The following BAZ1B variants were observed in gnomAD, a reference collection of about 807,000 sequenced individuals.
The protein encoded by BAZ1B is bromodomain adjacent to zinc finger domain 1B, also known as tyrosine-protein kinase BAZ1B.
A neutral mutation model predicts 153.8 loss-of-function variants in BAZ1B; 22 were observed. That is an observed-to-expected ratio of 0.14 (90% CI 0.10 to 0.20). BAZ1B has a LOEUF of 0.20. BAZ1B is among the 10% of genes least tolerant of loss of function. The pLI is 1.00. For missense variants in BAZ1B, 1,325 were observed against 1,799.3 expected (o/e 0.74, Z 4.77); for synonymous variants, 676 against 633.4 (o/e 1.07, Z -1.01).
In BAZ1B at chr7:73,440,422, A is replaced by C. The variant is rs1399964995; in HGVS notation, c.*1287T>G. The C allele has an allele frequency of 6.6e-6, 1 of 151,890 alleles. No homozygotes were observed. Among genetic ancestry groups the C allele is most frequent in the Non-Finnish European group, 1.5e-5 (1 of 67,972 alleles). 9.4% of individuals were successfully genotyped at this position (151,890 alleles called of 1,614,324 possible). A position where few individuals can be genotyped will look rare whatever the true frequency, so the allele number is the denominator to read the frequency against. ...CCAGAGTGGTTTCTTCTTTATAAAC[A>C]CAAGTACATGAGGTTTATTTGAAAT... On this transcript the variant is annotated 3_prime_UTR_variant, in exon 20 of 20. Coordinates refer to ENST00000339594, the MANE Select transcript of BAZ1B (RefSeq NM_032408.4).
Position 73,477,581 on chromosome 7 carries a change from T to A in BAZ1B, c.1880A>T (p.Asp627Val). The change falls in exon 7 of 20, where the codon GAT becomes GTT. Residue 627 changes from aspartate to valine, a missense_variant. This residue lies in a region of BAZ1B where 154 missense variants were observed against 266.3 expected (regional missense o/e 0.58). Transcript: ENST00000339594. The surrounding 1 kb of genome is among the most constrained non-coding windows in gnomAD (Gnocchi z 5.6). The stretch of plus-strand genomic sequence containing the variant: ...CACAGCAGTAATAGGATACTGAGCA[T>A]CTGGTAAAAGTAGCCCAGAATAACA... ...LSCYSGLLLP[D>V]AQYPITAVSL... 6.2e-7 allele frequency: 1 copy of A among 1,614,222 alleles called. No individual in the cohort carries two copies. Among genetic ancestry groups the A allele is most frequent in the Non-Finnish European group, 8.5e-7 (1 of 1,180,048 alleles).
chr7:73,498,417 T>A (rs1346040568), intron 4 of BAZ1B, 80 bp downstream of exon 4: 1 of 1,347,536 alleles, frequency 7.4e-7, no homozygotes, highest in African/African-American at 1.5e-5. Context: ...ATTTAGTTGC[T>A]AGAGAACCCT....
At chr7:73,509,599 T>C (rs1033875599) in intron 2 of BAZ1B, among the ~76,000 whole-genome samples, 27 of 151,228 alleles carry the variant, frequency 1.8e-4, no homozygotes, top group African/African-American at 5.6e-4. Flanking sequence ...CATGCACCTA[T>C]AGTTCCAGCT....
intron 4 of BAZ1B, among the ~76,000 whole-genome samples, chr7:73,493,360 T>A (rs1789732416): frequency 6.6e-6 from 1 of 151,972 alleles, no homozygotes; most frequent in African/African-American, 2.4e-5. Context: ...CTCGGGAGGC[T>A]GAGGTAGGAG....
chr7:73,467,793 A>G (rs1385664353), intron 9 of BAZ1B, among the ~76,000 whole-genome samples: 1 of 152,166 alleles, frequency 6.6e-6, no homozygotes, highest in African/African-American at 2.4e-5. Context: ...GACACATTAT[A>G]AAGTAACACT....
chr7:73,476,159 T>C (rs1017914972), intron 7 of BAZ1B, among the ~76,000 whole-genome samples: 1 of 152,092 alleles, frequency 6.6e-6, no homozygotes, highest in African/African-American at 2.4e-5. Context: ...CTGGGGAGGA[T>C]GGGCGAATGG....
chr7:73,485,513 C>T (rs947996768), intron 6 of BAZ1B, among the ~76,000 whole-genome samples: 2 of 151,400 alleles, frequency 1.3e-5, no homozygotes, highest in African/African-American at 4.9e-5. Flanking sequence ...GTAATCCTAG[C>T]TAGTCAGAAG....
At position 73,442,489 on chromosome 7, in the gene BAZ1B, G is replaced by C. The variant is rs150935434; in HGVS notation, c.4159C>G (p.Gln1387Glu). 2 of 1,614,088 alleles carry C rather than the reference G, an allele frequency of 1.2e-6. No homozygotes were observed. The highest frequency in any genetic ancestry group is 2.7e-5 in the African/African-American group (2 of 74,948). ...CAGGAACATTTGTTCTGCACTGTCTGAAAGTCCATGGGGTGCGTGATCACA... is the reference window on the plus strand; with the variant it reads ...CAGGAACATTTGTTCTGCACTGTCTCAAAGTCCATGGGGTGCGTGATCACA... ...YDVITHPMDF[Q>E]TVQNKCSCGS... The change falls in exon 19 of 20, where the codon CAG becomes GAG. Residue 1387 changes from glutamine to glutamate, a missense_variant. By Grantham distance (29) the Gln-to-Glu change is conservative (BLOSUM62 2). Transcript: ENST00000339594.
intron 12 of BAZ1B, among the ~76,000 whole-genome samples, chr7:73,461,831 T>C (rs1788406453): frequency 6.6e-6 from 1 of 152,218 alleles, no homozygotes. Flanking sequence ...GGCTCATGCC[T>C]ATAATCCTAG....
In BAZ1B at chr7:73,478,453, T is replaced by C. The variant is rs1361494000; in HGVS notation, c.1008A>G (p.Leu336=). ...SSLSSPLNPK[L]WCHVHLKKSL... is the part of the protein sequence containing the mutation. Reference sequence around the variant, plus strand: ...ACTTCTTCAAGTGTACGTGACACCATAACTTAGGATTTAGTGGTGAACTAA... The same window carrying C: ...ACTTCTTCAAGTGTACGTGACACCACAACTTAGGATTTAGTGGTGAACTAA... Residue 336 remains leucine (L), a synonymous_variant, in exon 7 of 20, where the codon TTA becomes TTG. Coordinates refer to ENST00000339594, the MANE Select transcript of BAZ1B (RefSeq NM_032408.4). 1.9e-6 allele frequency: 3 copies of C among 1,612,476 alleles called. No homozygotes were observed. Among genetic ancestry groups the C allele is most frequent in the Non-Finnish European group, 2.5e-6 (3 of 1,179,404 alleles).
At chr7:73,444,729 T>C (rs558359830) in intron 16 of BAZ1B, among the ~76,000 whole-genome samples, 1 of 152,140 alleles carries the variant, frequency 6.6e-6, no homozygotes, top group South Asian at 2.1e-4. Context: ...GAATAAAGAA[T>C]ATAGGCCGGG....
At chr7:73,469,368 A>C (rs1440661621) in intron 9 of BAZ1B, 149 bp downstream of exon 9, 1 of 956,950 alleles carries the variant, frequency 1.0e-6, no homozygotes, top group East Asian at 2.6e-5. Flanking sequence ...CTTTCTACAC[A>C]TTTCACATCT....
At position 73,442,467 on chromosome 7, in the gene BAZ1B, G is replaced by T. The variant is rs782416475; in HGVS notation, c.4181C>A (p.Ser1394Tyr). Residue 1394 changes from serine to tyrosine, a missense_variant, in exon 19 of 20, where the codon TCC (serine) becomes TAC (tyrosine). This residue lies in a region of BAZ1B where 271 missense variants were observed against 337.2 expected (regional missense o/e 0.80). Coordinates refer to ENST00000339594, the MANE Select transcript of BAZ1B (RefSeq NM_032408.4). The part of the protein sequence containing the change: ...MDFQTVQNKC[S>Y]CGSYRSVQEF... ...CTGCACAGAGCGGTAGCTCCCACAGGAACATTTGTTCTGCACTGTCTGAAA... is the reference window on the plus strand; with the variant it reads ...CTGCACAGAGCGGTAGCTCCCACAGTAACATTTGTTCTGCACTGTCTGAAA... The T allele has an allele frequency of 3.3e-5, 53 of 1,614,110 alleles. No individual in the cohort carries two copies. The highest frequency in any genetic ancestry group is 3.9e-5 in the Non-Finnish European group (46 of 1,180,050).
intron 4 of BAZ1B, 32 bp downstream of exon 4, chr7:73,498,465 A>G: frequency 6.3e-7 from 1 of 1,590,428 alleles, no homozygotes; most frequent in Non-Finnish European, 8.6e-7. Flanking sequence ...AGGATCTCAT[A>G]AAACACTAAG....
rs1405973386 is a variant in BAZ1B, at chr7:73,446,018, G to T, written c.3844+1246C>A. 3.9e-5 allele frequency among the ~76,000 whole-genome samples: 6 copies of T among 152,178 alleles called. No homozygotes were observed. In the East Asian group the frequency reaches 1.2e-3, roughly 29 times the overall value. ...ATCAGGCGTAGTGAACAAACAAAAA[G>T]AGCCCATACGTATGTGAGAGCTTAA... is the stretch of plus-strand genomic sequence containing the variant. On this transcript the variant is annotated intron_variant, in intron 16 of 19. Transcript: ENST00000339594.
intron 3 of BAZ1B, among the ~76,000 whole-genome samples, chr7:73,505,402 ACC>A (rs1238626452): frequency 9.9e-5 from 15 of 152,142 alleles, no homozygotes; most frequent in African/African-American, 3.6e-4. Context: ...CAGCCTCTAT[ACC>A]AAACTTGGAA....
intron 4 of BAZ1B, among the ~76,000 whole-genome samples, chr7:73,496,593 G>C (rs1267395096): frequency 6.6e-6 from 1 of 152,158 alleles, no homozygotes; most frequent in Non-Finnish European, 1.5e-5. Context: ...ATCAAGTCCA[G>C]TCAAATTCTT....
rs1554567871 is a variant in BAZ1B, at chr7:73,450,108, C to T, written c.3581-419G>A. 6.6e-6 allele frequency among the ~76,000 whole-genome samples: 1 copy of T among 151,440 alleles called. No homozygotes were observed. Among genetic ancestry groups the T allele is most frequent in the African/African-American group, 2.4e-5 (1 of 41,154 alleles). On this transcript the variant is annotated intron_variant, in intron 14 of 19. Coordinates refer to ENST00000339594, the MANE Select transcript of BAZ1B (RefSeq NM_032408.4). This position sits in a 1 kb window ranked among gnomAD's most constrained non-coding sequence, Gnocchi z 4.1. Reference sequence around the variant, plus strand: ...TGTCACCCAGGCTGGAGTGCAGTGGCGCGATCTCGGCTCACTGCAACCTCC... The same window carrying T: ...TGTCACCCAGGCTGGAGTGCAGTGGTGCGATCTCGGCTCACTGCAACCTCC...
At chr7:73,488,714 C>CAAA (rs35812071) in intron 6 of BAZ1B, among the ~76,000 whole-genome samples, 18 of 59,244 alleles carry the variant, frequency 3.0e-4, no homozygotes, top group African/African-American at 4.9e-4. Flanking sequence ...GACTCCAACT[C>CAAA]AAAAAAAAAA....
Sources: gnomAD v4.1 joint callset for allele counts (sites outside exome capture counted in the v4.1 genomes callset) on GRCh38, gnomAD v4.1.1 for gene constraint, gnomAD v4.1.1 regional missense constraint, Gnocchi (gnomAD v3.1) non-coding constraint, MANE v1.5 for transcripts, NCBI Gene and HGNC (gene_info 2026-07-23, HGNC 2026-07-21) for gene names.